Variants in DPP6 observed in about 807,000 individuals in gnomAD.
DPP6 encodes A-type potassium channel modulatory protein DPP6.
A neutral mutation model predicts 122.6 loss-of-function variants in DPP6; 69 were observed. The ratio of observed to expected loss-of-function variants is 0.56; its 90% CI spans 0.46 to 0.69. DPP6 has a LOEUF of 0.69. Ranked by LOEUF, DPP6 falls within the 30% of genes least tolerant of loss-of-function variation. DPP6 has a pLI of 0.00. For synonymous variants in DPP6, 418 were observed against 433.1 expected (o/e 0.97, Z 0.43); for missense variants, 928 against 1,116.9 (o/e 0.83, Z 2.41).
intron 1 of DPP6, among the ~76,000 whole-genome samples, chr7:154,248,871 A>C (rs78722003): frequency 0.037 from 5,686 of 152,168 alleles, 190 homozygotes; most frequent in East Asian, 0.13. Flanking sequence ...GTCTCAGGAA[A>C]AAAAAAAAAG....
At chr7:154,093,004 T>C (rs1440634176) in intron 1 of DPP6, 1 of 152,004 alleles carries the variant, frequency 6.6e-6, no homozygotes, top group East Asian at 1.9e-4. Flanking sequence ...TTTCCAACTT[T>C]AGTACATGGG....
chr7:154,198,048 T>C (rs551073850), intron 1 of DPP6, among the ~76,000 whole-genome samples: 2 of 152,156 alleles, frequency 1.3e-5, no homozygotes, highest in Non-Finnish European at 2.9e-5. Context: ...CATTCAGTGC[T>C]CCCACTGAGG....
At chr7:154,344,183 C>T (rs558951420) in intron 1 of DPP6, among the ~76,000 whole-genome samples, 1 of 152,288 alleles carries the variant, frequency 6.6e-6, no homozygotes, top group Non-Finnish European at 1.5e-5. Flanking sequence ...GGGAAAATTC[C>T]ACACCCACAA....
chr7:154,387,847 G>A (rs148651348), intron 1 of DPP6, among the ~76,000 whole-genome samples: 8 of 152,184 alleles, frequency 5.3e-5, no homozygotes, highest in African/African-American at 1.9e-4. Context: ...TACCTTCCCC[G>A]ACTTTCTCTT....
chr7:154,616,731 G>C (rs1050462948), intron 5 of DPP6, among the ~76,000 whole-genome samples: 1 of 152,182 alleles, frequency 6.6e-6, no homozygotes. Flanking sequence ...CACAAACAGT[G>C]AAACTAGGTC....
chr7:154,207,815 TGCGATGGCGCAGGCCTGTAATCCCA>T (rs1259588009), intron 1 of DPP6, among the ~76,000 whole-genome samples: 1 of 152,142 alleles, frequency 6.6e-6, no homozygotes, highest in East Asian at 1.9e-4. Context: ...CGTAGCCGGA[TGCGATGGCGCAGGCCTGTAATCCCA>T]GCTACTCGAG....
intron 1 of DPP6, among the ~76,000 whole-genome samples, chr7:154,383,412 C>T (rs756820525): frequency 9.2e-5 from 14 of 152,210 alleles, no homozygotes; most frequent in Non-Finnish European, 1.5e-4. Flanking sequence ...TTTGAGTTCG[C>T]ATCGATTTGC....
chr7:154,850,537 G>A (rs572774598), intron 16 of DPP6, among the ~76,000 whole-genome samples: 84 of 152,274 alleles, frequency 5.5e-4, no homozygotes, highest in African/African-American at 2.0e-3. Context: ...ACTGGTATTA[G>A]TTCTTCTCTA....
At position 154,763,102 on chromosome 7, in the gene DPP6, C is replaced by T. The variant is rs538611254; in HGVS notation, c.884-6315C>T. On this transcript the variant is annotated intron_variant, in intron 8 of 25. Coordinates refer to ENST00000377770, the MANE Select transcript of DPP6 (RefSeq NM_130797.4). ...ATCCCAGCACTTTGGGAGGCCCAGG[C>T]GGGTGGATCACCCGAGGTCAGGAGT... is the stretch of plus-strand genomic sequence containing the variant. Among the ~76,000 whole-genome samples the T allele has an allele frequency of 4.6e-5, 7 of 152,318 alleles. No individual in the cohort carries two copies. The South Asian group carries it at 6.2e-4, about 14-fold the overall frequency.
chr7:154,576,457 A>G (rs1831679167), intron 5 of DPP6, among the ~76,000 whole-genome samples: 1 of 152,220 alleles, frequency 6.6e-6, no homozygotes, highest in Non-Finnish European at 1.5e-5. Flanking sequence ...CTATAGGGAA[A>G]CACACATGCC....
At chr7:153,766,855 G>C in the DPP6 span, among the ~76,000 whole-genome samples, 4 of 152,072 alleles carry the variant, frequency 2.6e-5, no homozygotes, top group East Asian at 1.9e-4. Context: ...ACACATTTTA[G>C]TGATTCTGTA....
chr7:153,975,234 C>G (rs1405217786), intron 1 of DPP6, among the ~76,000 whole-genome samples: 2 of 46,408 alleles, frequency 4.3e-5, no homozygotes, highest in African/African-American at 7.4e-5. Flanking sequence ...AGCAAGAATT[C>G]TTAGTTTAAA....
At chr7:154,053,203 A>G in intron 1 of DPP6, 140 bp downstream of exon 1, 1 of 776,638 alleles carries the variant, frequency 1.3e-6, no homozygotes. Flanking sequence ...GCGCCCCCAG[A>G]CAGGCTCCGT....
rs192388988 is a variant in DPP6, at chr7:154,179,590, A to G, written c.243+126527A>G. On this transcript the variant is annotated intron_variant, in intron 1 of 25. Transcript: ENST00000377770. ...CCCATGTCTGGACCACCAAGCTGAT[A>G]CCAATAATGGCTGTTGCTTCCTTTT... 5.9e-5 allele frequency among the ~76,000 whole-genome samples: 9 copies of G among 152,316 alleles called. No individual in the cohort carries two copies. The East Asian group carries it at 1.7e-3, about 29-fold the overall frequency.
chr7:154,200,914 T>G (rs760989063), intron 1 of DPP6, among the ~76,000 whole-genome samples: 1 of 152,114 alleles, frequency 6.6e-6, no homozygotes, highest in African/African-American at 2.4e-5. Flanking sequence ...AAGATTAGTA[T>G]AGAATCTTCT....
chr7:154,795,331 T>C (rs1169112950), intron 11 of DPP6, among the ~76,000 whole-genome samples: 1 of 152,162 alleles, frequency 6.6e-6, no homozygotes, highest in Non-Finnish European at 1.5e-5. Flanking sequence ...GAGTTTTGTT[T>C]TTCTTTTGTT....
chr7:154,161,056 G>T (rs1796956664), intron 1 of DPP6, among the ~76,000 whole-genome samples: 1 of 152,130 alleles, frequency 6.6e-6, no homozygotes, highest in Non-Finnish European at 1.5e-5. Flanking sequence ...CAGCTGTCCA[G>T]CACTGCACCA....
At chr7:154,108,306 G>C (rs2533665) in intron 1 of DPP6, among the ~76,000 whole-genome samples, 2 of 152,148 alleles carry the variant, frequency 1.3e-5, no homozygotes, top group African/African-American at 2.4e-5. Flanking sequence ...TCTGAGCCTT[G>C]TTTCCTTGCT....
At chr7:154,431,100 G>C (rs989919285) in intron 1 of DPP6, among the ~76,000 whole-genome samples, 1 of 152,176 alleles carries the variant, frequency 6.6e-6, no homozygotes, top group Non-Finnish European at 1.5e-5. Context: ...GGGAAGTGTT[G>C]GTGAAGTCCT....
Sources: allele counts gnomAD v4.1 joint callset (sites outside exome capture counted in the v4.1 genomes callset), GRCh38; gene constraint gnomAD v4.1.1; transcripts MANE v1.5; gene names NCBI Gene and HGNC (gene_info 2026-07-23, HGNC 2026-07-21).